Variants in SOBP observed in about 807,000 individuals in gnomAD.
SOBP encodes the protein sine oculis binding protein homolog, also known as sine oculis-binding protein homolog.
SOBP carries 4 observed loss-of-function variants against 53.6 expected under a neutral mutation model. The observed-to-expected ratio is 0.07, with a 90% CI of 0.04 to 0.17. The LOEUF is 0.17. Among genes scored for constraint, SOBP ranks in the 10% least tolerant of loss-of-function variants. The pLI is 1.00. For synonymous variants in SOBP, 584 were observed against 522.6 expected, an observed-to-expected ratio of 1.12 and a Z score of -1.60; for missense variants, 1,088 against 1,204.7, an observed-to-expected ratio of 0.90 and a Z score of 1.43.
intron 1 of SOBP, among the ~76,000 whole-genome samples, chr6:107,491,770 C>A (rs1031115837): frequency 6.6e-6 from 1 of 152,158 alleles, no homozygotes; most frequent in African/African-American, 2.4e-5. Flanking sequence ...CTTAATACTA[C>A]CAGGTGGCTT....
In SOBP at chr6:107,500,327, C is replaced by T. The variant is rs1782804399; in HGVS notation, c.97-3330C>T. Among the ~76,000 whole-genome samples the T allele has an allele frequency of 2.0e-5, 3 of 149,480 alleles. No homozygotes were observed. In the South Asian group the frequency reaches 6.3e-4, roughly 31 times the overall value. On this transcript the variant is annotated intron_variant, in intron 1 of 6. Coordinates refer to ENST00000317357, the MANE Select transcript of SOBP (RefSeq NM_018013.4). ...CCCCGGAGGTGGAGGTTGCAGTGAA[C>T]CAAGATCATGCCATTGCACTCCAGC...
At chr6:107,604,172 G>A (rs1267606487) in intron 5 of SOBP, among the ~76,000 whole-genome samples, 3 of 152,230 alleles carry the variant, frequency 2.0e-5, no homozygotes, top group Non-Finnish European at 2.9e-5. Flanking sequence ...TGTGTGAACT[G>A]AGAGTAATTT....
intron 5 of SOBP, among the ~76,000 whole-genome samples, chr6:107,624,108 GAATAAAAAA>G (rs1310067663): frequency 3.3e-5 from 5 of 152,238 alleles, no homozygotes; most frequent in South Asian, 2.1e-4. Context: ...ACAGAGGAAA[GAATAAAAAA>G]ATAAAATATA....
chr6:107,493,712 A>C (rs1436598652), intron 1 of SOBP, among the ~76,000 whole-genome samples: 1 of 152,254 alleles, frequency 6.6e-6, no homozygotes, highest in East Asian at 1.9e-4. Flanking sequence ...AATGAGCAAC[A>C]AACTTGCCTC....
intron 4 of SOBP, among the ~76,000 whole-genome samples, chr6:107,544,423 A>C (rs998962597): frequency 6.6e-6 from 1 of 152,222 alleles, no homozygotes; most frequent in Non-Finnish European, 1.5e-5. Flanking sequence ...CTTATAGTCC[A>C]TTGAGGGACA....
At chr6:107,583,198 C>CAA (rs1179153880) in intron 4 of SOBP, among the ~76,000 whole-genome samples, 1 of 152,232 alleles carries the variant, frequency 6.6e-6, no homozygotes, top group Non-Finnish European at 1.5e-5. Flanking sequence ...TGATCCAACT[C>CAA]ATTCTTACAG....
At chr6:107,609,572 G>C (rs1430828698) in intron 5 of SOBP, among the ~76,000 whole-genome samples, 2 of 152,208 alleles carry the variant, frequency 1.3e-5, no homozygotes, top group Non-Finnish European at 2.9e-5. Flanking sequence ...TGTAGAATTT[G>C]TACTTAACAA....
Position 107,658,713 on chromosome 6 carries a change from G to C in SOBP, c.*510G>C, listed in dbSNP as rs1468759888. 1.3e-5 allele frequency: 2 copies of C among 152,630 alleles called. No homozygotes were observed. The highest frequency in any genetic ancestry group is 2.9e-5 in the Non-Finnish European group (2 of 68,032). 9.5% of individuals were successfully genotyped at this position (152,630 alleles called of 1,614,324 possible). ...ATTGTTCACGTTTTGATGGCGGAGAGGGGTGGTCCTGGAGGCCCAATGCTT... is the reference window on the plus strand; with the variant it reads ...ATTGTTCACGTTTTGATGGCGGAGACGGGTGGTCCTGGAGGCCCAATGCTT... On this transcript the variant is annotated 3_prime_UTR_variant, in exon 7 of 7. Transcript: ENST00000317357.
At chr6:107,614,915 A>T (rs1371131729) in intron 5 of SOBP, among the ~76,000 whole-genome samples, 1 of 152,222 alleles carries the variant, frequency 6.6e-6, no homozygotes, top group Non-Finnish European at 1.5e-5. Flanking sequence ...TTTAGAGTTA[A>T]TTACTGTTTG....
At chr6:107,638,086 C>A (rs1771130296) in intron 6 of SOBP, among the ~76,000 whole-genome samples, 1 of 152,234 alleles carries the variant, frequency 6.6e-6, no homozygotes, top group Non-Finnish European at 1.5e-5. Flanking sequence ...AAAACCACCT[C>A]TCCTCCACTA....
intron 5 of SOBP, among the ~76,000 whole-genome samples, chr6:107,591,486 A>G (rs931303570): frequency 6.6e-6 from 1 of 152,308 alleles, no homozygotes; most frequent in Admixed American, 6.5e-5. Flanking sequence ...CAGGCCTTTC[A>G]TGGGTTGGAT....
At chr6:107,637,904 A>G (rs1394238634) in intron 6 of SOBP, among the ~76,000 whole-genome samples, 2 of 152,260 alleles carry the variant, frequency 1.3e-5, no homozygotes, top group Non-Finnish European at 2.9e-5. Flanking sequence ...GGCTCCAGCC[A>G]ATTTCAGAAG....
At position 107,634,547 on chromosome 6, in the gene SOBP, G is replaced by A; in HGVS notation, c.1703G>A (p.Gly568Asp). Residue 568 changes from glycine to aspartate, a missense_variant, in exon 6 of 7, where the codon GGC (glycine) becomes GAC (aspartate). Physicochemically the swap from Gly to Asp is moderately conservative, Grantham distance 94. Transcript: ENST00000317357. This position sits in a 1 kb window ranked among gnomAD's most constrained non-coding sequence, Gnocchi z 4.5. ...GAGAACTTCATTCCGAACGCCCCTG[G>A]CGACTCCGCGGCGGCGGGCGGCAAG... ...NGENFIPNAP[G>D]DSAAAGGKPS... 1 of 1,609,014 alleles carries A rather than the reference G, an allele frequency of 6.2e-7. No homozygotes were observed. Among genetic ancestry groups the A allele is most frequent in the Non-Finnish European group, 8.5e-7 (1 of 1,179,826 alleles).
chr6:107,638,692 C>T (rs983271394), intron 6 of SOBP, among the ~76,000 whole-genome samples: 4 of 152,216 alleles, frequency 2.6e-5, no homozygotes, highest in African/African-American at 4.8e-5. Context: ...GTGTTACAAA[C>T]CAAAAGCAAA....
Position 107,576,287 on chromosome 6 carries a change from C to T in SOBP, c.574-10793C>T, listed in dbSNP as rs112217098. On this transcript the variant is annotated intron_variant, in intron 4 of 6. Transcript: ENST00000317357. ...TGCTGCATATCATTTATGTGGCTAG[C>T]GCACAGTAAAAGTCAGGATTCTGTC... Among the ~76,000 whole-genome samples, 220 of 152,298 alleles carry T rather than the reference C, an allele frequency of 1.4e-3. 1 individual carries two copies. Among genetic ancestry groups the T allele is most frequent in the African/African-American group, 5.2e-3 (215 of 41,554 alleles).
chr6:107,507,080 A>AG (rs1783017457), intron 3 of SOBP, among the ~76,000 whole-genome samples: 1 of 151,828 alleles, frequency 6.6e-6, no homozygotes, highest in Non-Finnish European at 1.5e-5. Flanking sequence ...AAAAAAAAAA[A>AG]GTAACCATGG....
rs554049446 is a variant in SOBP, at chr6:107,590,160, G to A, written c.669+2985G>A. Among the ~76,000 whole-genome samples, 57 of 152,250 alleles carry A rather than the reference G, an allele frequency of 3.7e-4. 1 individual carries two copies. Among genetic ancestry groups the A allele is most frequent in the South Asian group, 3.1e-3 (15 of 4,822 alleles). ...CTAGAGTGAGGAGGACCATAAGTGT[G>A]TTATGAGCTCACTGTTTCTCCTCAG... is the stretch of plus-strand genomic sequence containing the variant. On this transcript the variant is annotated intron_variant, in intron 5 of 6. Coordinates refer to ENST00000317357, the MANE Select transcript of SOBP (RefSeq NM_018013.4).
At chr6:107,622,042 A>G (rs1434747496) in intron 5 of SOBP, among the ~76,000 whole-genome samples, 2 of 152,244 alleles carry the variant, frequency 1.3e-5, no homozygotes, top group Non-Finnish European at 2.9e-5. Flanking sequence ...AGAGTAGAGT[A>G]TAGGTAAAAC....
In SOBP at chr6:107,658,979, ATTC is replaced by A. The variant is rs1456072354; in HGVS notation, c.*781_*783del. ...TGCCAAGAGAACTCGGTAAATGTTT[ATTC>A]TTCTCAGCTTTCTCTTTAAATTCCC... On this transcript the variant is annotated 3_prime_UTR_variant, in exon 7 of 7. Coordinates refer to ENST00000317357, the MANE Select transcript of SOBP (RefSeq NM_018013.4). The A allele has an allele frequency of 1.3e-5, 2 of 152,644 alleles. No individual in the cohort carries two copies. 9.5% of individuals were successfully genotyped at this position (152,644 alleles called of 1,614,324 possible). A position where few individuals can be genotyped will look rare whatever the true frequency, so the allele number is the denominator to read the frequency against.
Sources: allele counts gnomAD v4.1 joint callset (sites outside exome capture counted in the v4.1 genomes callset), GRCh38; gene constraint gnomAD v4.1.1; non-coding constraint Gnocchi (gnomAD v3.1); transcripts MANE v1.5; gene names NCBI Gene and HGNC (gene_info 2026-07-23, HGNC 2026-07-21).